ZNF451: variants seen among roughly 807,000 people sequenced by gnomAD.
ZNF451 encodes the protein E3 SUMO-protein ligase ZNF451.
A neutral mutation model predicts 107.1 loss-of-function variants in ZNF451; 80 were observed. The observed-to-expected ratio is 0.75, with a 90% CI of 0.62 to 0.90. The LOEUF (loss-of-function observed/expected upper bound fraction) is 0.90, where lower values mean the gene tolerates loss of function less well. ZNF451 is among the 40% of genes least tolerant of loss of function. The pLI is 0.00. For synonymous variants in ZNF451, 362 were observed against 406.5 expected (o/e 0.89, Z 1.32); for missense variants, 1,107 against 1,236.2 (o/e 0.90, Z 1.57).
intron 2 of ZNF451, among the ~76,000 whole-genome samples, chr6:57,094,877 C>T (rs1308718873): frequency 6.6e-6 from 1 of 152,086 alleles, no homozygotes; most frequent in East Asian, 1.9e-4. Context: ...TTTAGAGAAC[C>T]AAGTATACCC....
Position 57,148,338 on chromosome 6 carries a change from G to C in ZNF451, c.2253G>C (p.Leu751=), listed in dbSNP as rs749668913. Residue 751 remains leucine (L), a synonymous_variant, in exon 10 of 15, where the codon CTG becomes CTC. Coordinates refer to ENST00000370706, the MANE Select transcript of ZNF451 (RefSeq NM_001031623.3). ...AAATCATGCTGGATAAAGGAAAACT[G>C]TGGTTTCGCTGCAGTTTATGTTCGG... ...CLQIMLDKGK[L]WFRCSLCSAT... 4 of 1,614,012 alleles carry C rather than the reference G, an allele frequency of 2.5e-6. No homozygotes were observed. Among genetic ancestry groups the C allele is most frequent in the Admixed American group, 1.7e-5 (1 of 60,000 alleles).
rs777907661 is a variant in ZNF451 at position 57,148,418 on chromosome 6, A to G, written c.2333A>G (p.Glu778Gly). The change falls in exon 10 of 15, where the codon GAA becomes GGA. Residue 778 changes from glutamate (E) to glycine (G), a missense_variant. Glu to Gly is a moderately conservative substitution (Grantham distance 98, BLOSUM62 -2). Coordinates refer to ENST00000370706, the MANE Select transcript of ZNF451 (RefSeq NM_001031623.3). Reference sequence around the variant, plus strand: ...ACTCATATCCATCAAGTGCACAAAGAAAAGAGTGATGAGGAGGAGCAGCAG... The same window carrying G: ...ACTCATATCCATCAAGTGCACAAAGGAAAGAGTGATGAGGAGGAGCAGCAG... ...MNTHIHQVHK[E>G]KSDEEEQQYV... 1 of 1,613,918 alleles carries G rather than the reference A, an allele frequency of 6.2e-7. No homozygotes were observed. The highest frequency in any genetic ancestry group is 2.2e-5 in the East Asian group (1 of 44,862).
intron 3 of ZNF451, chr6:57,104,376 G>C (rs1248125424): frequency 2.0e-6 from 2 of 985,238 alleles, no homozygotes; most frequent in African/African-American, 3.5e-5. Context: ...CTGCACATAA[G>C]TGTTTCTGAC....
chr6:57,106,611 A>ATTTT (rs75440505), intron 3 of ZNF451: 691 of 948,160 alleles, frequency 7.3e-4, no homozygotes, highest in Middle Eastern at 1.6e-3. Flanking sequence ...TGGCTGTGAA[A>ATTTT]TTTTTTTTTT....
chr6:57,146,930 G>T (rs1261408125), intron 9 of ZNF451, among the ~76,000 whole-genome samples, 160 bp from the exon 10 acceptor site: 1 of 152,166 alleles, frequency 6.6e-6, no homozygotes, highest in African/African-American at 2.4e-5. Context: ...AGTATTTTGA[G>T]ATGATAGAAC....
chr6:57,094,917 T>C (rs1278245527), intron 2 of ZNF451, among the ~76,000 whole-genome samples: 10 of 152,210 alleles, frequency 6.6e-5, no homozygotes, highest in African/African-American at 2.2e-4. Flanking sequence ...TTAAATGGGA[T>C]AATACTGATA....
chr6:57,128,789 T>C lies in ZNF451; in HGVS notation c.373T>C (p.Ser125Pro). 6.2e-7 allele frequency: 1 copy of C among 1,613,276 alleles called. No homozygotes were observed. Among genetic ancestry groups the C allele is most frequent in the East Asian group, 2.2e-5 (1 of 44,840 alleles). Residue 125 changes from serine to proline, a missense_variant, in exon 5 of 15, where the codon TCT becomes CCT. Around this residue, in one of 5 missense-constraint regions of ZNF451, gnomAD observed 339 missense variants for 372.8 expected, o/e 0.91. Coordinates refer to ENST00000370706, the MANE Select transcript of ZNF451 (RefSeq NM_001031623.3). Reference sequence around the variant, plus strand: ...AGAATTGGAATTTATTCGAGGACATTCTGATACAGAAGCAGCAAGACTGTG... The same window carrying C: ...AGAATTGGAATTTATTCGAGGACATCCTGATACAGAAGCAGCAAGACTGTG... Reference protein sequence around the residue: ...LQELEFIRGHSDTEAARLCVD... With the variant: ...LQELEFIRGHPDTEAARLCVD...
At chr6:57,157,046 CCTG>C (rs1763461816) in intron 13 of ZNF451, among the ~76,000 whole-genome samples, 1 of 152,164 alleles carries the variant, frequency 6.6e-6, no homozygotes, top group Admixed American at 6.5e-5. Context: ...GTTGGGGACT[CCTG>C]CTATAAGTAA....
At chr6:57,109,524 G>A (rs766045423) in intron 3 of ZNF451, 29 of 985,362 alleles carry the variant, frequency 2.9e-5, no homozygotes, top group Non-Finnish European at 3.5e-5. Flanking sequence ...TGAAGTAATT[G>A]TGCTGTTTCT....
At chr6:57,164,632 A>G (rs1406769965) in intron 14 of ZNF451, among the ~76,000 whole-genome samples, 1 of 152,164 alleles carries the variant, frequency 6.6e-6, no homozygotes, top group East Asian at 1.9e-4. Flanking sequence ...AATCTTAACA[A>G]CTTGTGAGAG....
intron 5 of ZNF451, among the ~76,000 whole-genome samples, chr6:57,129,311 G>A (rs542253744): frequency 6.6e-5 from 10 of 152,182 alleles, no homozygotes; most frequent in African/African-American, 2.2e-4. Flanking sequence ...TAGCTTCTTC[G>A]TTACTAACTC....
At chr6:57,110,454 C>T (rs936291617) in intron 3 of ZNF451, among the ~76,000 whole-genome samples, 1 of 152,144 alleles carries the variant, frequency 6.6e-6, no homozygotes, top group Admixed American at 6.5e-5. Context: ...TTCTACAGTG[C>T]ACCTCTGGCT....
At chr6:57,163,376 T>C (rs150151002) in intron 14 of ZNF451, among the ~76,000 whole-genome samples, 349 of 150,468 alleles carry the variant, frequency 2.3e-3, no homozygotes, top group African/African-American at 8.2e-3. Flanking sequence ...TATTTATCTT[T>C]ACTTCAGCAG....
intron 5 of ZNF451, among the ~76,000 whole-genome samples, chr6:57,130,432 T>C (rs1184210361): frequency 6.6e-6 from 1 of 152,174 alleles, no homozygotes; most frequent in Non-Finnish European, 1.5e-5. Context: ...CGTCAGAATA[T>C]TCTGGGACCT....
chr6:57,110,917 TCCTTCTTTTTC>T (rs1319288361), intron 3 of ZNF451, among the ~76,000 whole-genome samples: 1 of 150,762 alleles, frequency 6.6e-6, no homozygotes, highest in Non-Finnish European at 1.5e-5. Context: ...TTTTTTTTTT[TCCTTCTTTTTC>T]CCTTATTTTT....
rs954724484 is a variant in ZNF451, at chr6:57,095,143, C to A, written c.106-3918C>A. ...TGTACACTATTTGTGTATAAGTAAT[C>A]TTTTCCTTTGGGGTACATGTCTGTC... On this transcript the variant is annotated intron_variant, in intron 2 of 14. Transcript: ENST00000370706. 5.9e-5 allele frequency among the ~76,000 whole-genome samples: 9 copies of A among 152,198 alleles called. No homozygotes were observed. The East Asian group carries it at 1.7e-3, about 29-fold the overall frequency.
At chr6:57,114,125 A>G (rs867570526) in intron 3 of ZNF451, among the ~76,000 whole-genome samples, 8 of 152,196 alleles carry the variant, frequency 5.3e-5, no homozygotes, top group Admixed American at 2.6e-4. Context: ...CTAAAAATTT[A>G]TTTTGGTTTT....
At chr6:57,159,525 GTT>G (rs369246650) in intron 13 of ZNF451, 665 of 135,306 alleles carry the variant, frequency 4.9e-3, no homozygotes, top group Middle Eastern at 0.015. Context: ...CATTATAAGA[GTT>G]TTTTTTTTTT....
intron 3 of ZNF451, chr6:57,100,765 T>C (rs571319939): frequency 2.5e-5 from 39 of 1,550,076 alleles, no homozygotes; most frequent in East Asian, 1.5e-4. Flanking sequence ...TGAGAACCCA[T>C]TGGAGAACCA....
Sources: allele counts gnomAD v4.1 joint callset (sites outside exome capture counted in the v4.1 genomes callset), GRCh38; gene constraint gnomAD v4.1.1; regional missense constraint gnomAD v4.1.1; transcripts MANE v1.5; gene names NCBI Gene and HGNC (gene_info 2026-07-23, HGNC 2026-07-21).